MLKL: variants seen among roughly 807,000 people sequenced by gnomAD.
MLKL encodes mixed lineage kinase domain like pseudokinase.
In MLKL, 55 loss-of-function variants were observed where a neutral mutation model predicts 56.5. The observed-to-expected ratio is 0.97, with a 90% CI of 0.78 to 1.22. The LOEUF (loss-of-function observed/expected upper bound fraction) is 1.22, where lower values mean the gene tolerates loss of function less well. Among genes scored for constraint, MLKL ranks in the 50% most tolerant of loss-of-function variants. The pLI is 0.00. For missense variants in MLKL, 694 were observed against 573.9 expected (o/e 1.21, Z -2.14); for synonymous variants, 251 against 208.3 (o/e 1.20, Z -1.76).
intron 10 of MLKL, 86 bp from the exon 11 acceptor site, chr16:74,672,624 T>A (rs906801717): frequency 1.6e-6 from 2 of 1,266,678 alleles, no homozygotes; most frequent in Non-Finnish European, 2.3e-6. Context: ...CATTGCACAG[T>A]CATTTAGAAA....
chr16:74,685,166 T>G (rs985476608), intron 5 of MLKL, among the ~76,000 whole-genome samples: 1 of 152,106 alleles, frequency 6.6e-6, no homozygotes, highest in African/African-American at 2.4e-5. Flanking sequence ...ACCTGGCAGC[T>G]TTATAATGTT....
chr16:74,681,333 C>T (rs79360055), intron 6 of MLKL, among the ~76,000 whole-genome samples: 1,774 of 152,036 alleles, frequency 0.012, 33 homozygotes, highest in African/African-American at 0.04. Flanking sequence ...GCCTTTATTC[C>T]GATTTTTAAA....
At chr16:74,691,203 G>T in intron 4 of MLKL, 74 bp downstream of exon 4, 1 of 1,398,062 alleles carries the variant, frequency 7.2e-7, no homozygotes, top group South Asian at 1.4e-5. Flanking sequence ...TAAAAATGGA[G>T]ACGATATCCC....
intron 6 of MLKL, among the ~76,000 whole-genome samples, chr16:74,679,923 G>A (rs962158332): frequency 3.3e-5 from 5 of 152,192 alleles, no homozygotes; most frequent in African/African-American, 1.2e-4. Context: ...AAGAAATCAA[G>A]CAAGAGGTTG....
chr16:74,693,206 G>A (rs1240764326), intron 2 of MLKL, among the ~76,000 whole-genome samples: 1 of 151,972 alleles, frequency 6.6e-6, no homozygotes, highest in Non-Finnish European at 1.5e-5. Context: ...TGTAATCCTA[G>A]CACTTTGGGA....
intron 9 of MLKL, 98 bp from the exon 10 acceptor site, chr16:74,675,198 T>C: frequency 1.9e-6 from 3 of 1,563,048 alleles, no homozygotes; most frequent in East Asian, 2.2e-5. Context: ...ACTCTGAGTA[T>C]GGAAACAACA....
At chr16:74,676,088 T>C (rs1959578413) in intron 7 of MLKL, 1 of 317,510 alleles carries the variant, frequency 3.1e-6, no homozygotes, top group East Asian at 9.7e-5. Context: ...TATGTTAAAA[T>C]GTAGGGGTTT....
At chr16:74,693,729 G>A (rs1334351515) in intron 2 of MLKL, among the ~76,000 whole-genome samples, 1 of 149,784 alleles carries the variant, frequency 6.7e-6, no homozygotes, top group South Asian at 2.1e-4. Context: ...TCAGCCTCCC[G>A]AGTAGCTGGG....
intron 4 of MLKL, among the ~76,000 whole-genome samples, chr16:74,685,923 T>C (rs552362346): frequency 6.6e-6 from 1 of 152,296 alleles, no homozygotes; most frequent in African/African-American, 2.4e-5. Flanking sequence ...GGCTGTAACC[T>C]GTTGTTTAGC....
chr16:74,684,409 T>G (rs1960189176), intron 5 of MLKL, among the ~76,000 whole-genome samples: 2 of 111,138 alleles, frequency 1.8e-5, no homozygotes, highest in Admixed American at 1.2e-4. Flanking sequence ...TGAGAGAAAA[T>G]GCAGTCACAT....
chr16:74,673,952 TAAA>T (rs5817923), intron 10 of MLKL, among the ~76,000 whole-genome samples: 32 of 104,642 alleles, frequency 3.1e-4, no homozygotes, highest in Non-Finnish European at 4.2e-4. Flanking sequence ...ACCTCCTCTC[TAAA>T]AAAAAAAAAA....
At chr16:74,682,421 C>A (rs1372770183) in intron 6 of MLKL, among the ~76,000 whole-genome samples, 1 of 152,168 alleles carries the variant, frequency 6.6e-6, no homozygotes, top group East Asian at 1.9e-4. Flanking sequence ...GCTCATCCAA[C>A]TCTATAAGTG....
At chr16:74,675,974 G>C (rs1959571527) in intron 7 of MLKL, 1 of 579,174 alleles carries the variant, frequency 1.7e-6, no homozygotes, top group East Asian at 3.0e-5. Context: ...AACACAAAGA[G>C]ATTTCTTCTG....
At chr16:74,694,615 A>G (rs1458779385) in intron 2 of MLKL, among the ~76,000 whole-genome samples, 1 of 152,060 alleles carries the variant, frequency 6.6e-6, no homozygotes, top group Non-Finnish European at 1.5e-5. Flanking sequence ...AAATAAAATA[A>G]AAATTAGCTG....
intron 5 of MLKL, 150 bp downstream of exon 5, chr16:74,685,336 G>C (rs1362428034): frequency 1.5e-6 from 1 of 646,508 alleles, no homozygotes; most frequent in Non-Finnish European, 2.7e-6. Flanking sequence ...ATGCATCTTG[G>C]GATGAAAAAA....
chr16:74,685,679 G>T (rs1270117107), intron 4 of MLKL, 96 bp from the exon 5 acceptor site: 1 of 916,850 alleles, frequency 1.1e-6, no homozygotes, highest in Non-Finnish European at 1.7e-6. Flanking sequence ...GGGGGCGGGG[G>T]TATCAGCATC....
intron 5 of MLKL, 33 bp from the exon 6 acceptor site, chr16:74,682,819 C>G (rs771755225): frequency 1.1e-5 from 18 of 1,611,446 alleles, no homozygotes; most frequent in Non-Finnish European, 1.4e-5. Flanking sequence ...TATGAGGACC[C>G]GCCCTACTTG....
At chr16:74,673,209 CCTT>C (rs1299189431) in intron 10 of MLKL, among the ~76,000 whole-genome samples, 1 of 151,966 alleles carries the variant, frequency 6.6e-6, no homozygotes, top group African/African-American at 2.4e-5. Context: ...CTCTTTAGTT[CCTT>C]CTTCTTTTCT....
chr16:74,682,342 C>T (rs989647300), intron 6 of MLKL, among the ~76,000 whole-genome samples: 2 of 152,150 alleles, frequency 1.3e-5, no homozygotes, highest in Admixed American at 1.3e-4. Flanking sequence ...TGATTCATTA[C>T]TTTCCTAACG....
Sources: allele counts gnomAD v4.1 joint callset (sites outside exome capture counted in the v4.1 genomes callset), GRCh38; gene constraint gnomAD v4.1.1; transcripts MANE v1.5; gene names NCBI Gene and HGNC (gene_info 2026-07-23, HGNC 2026-07-21).